Variants in KCTD1 observed in about 807,000 individuals in gnomAD.
KCTD1 encodes the protein BTB/POZ domain-containing protein KCTD1.
A neutral mutation model predicts 66.0 loss-of-function variants in KCTD1; 24 were observed. The ratio of observed to expected loss-of-function variants is 0.36; its 90% CI spans 0.26 to 0.51. The LOEUF is 0.51. Ranked by LOEUF, KCTD1 falls within the 20% of genes least tolerant of loss-of-function variation. The pLI is 0.95. For synonymous variants in KCTD1, 511 were observed against 517.2 expected (o/e 0.99, Z 0.16); for missense variants, 943 against 1,205.2 (o/e 0.78, Z 3.22).
chr18:26,490,745 A>G (rs760958083), intron 2 of KCTD1, among the ~76,000 whole-genome samples: 18 of 151,732 alleles, frequency 1.2e-4, no homozygotes, highest in Non-Finnish European at 2.5e-4. Context: ...AACCTAGGGC[A>G]TAGGTTTAGA....
rs1980059797 is a variant in KCTD1, at chr18:26,455,912, A to G, written c.2440-11T>C. The G allele has an allele frequency of 1.2e-6, 2 of 1,611,282 alleles. No individual in the cohort carries two copies. The highest frequency in any genetic ancestry group is 8.5e-7 in the Non-Finnish European group (1 of 1,177,962). On this transcript the variant is annotated splice_polypyrimidine_tract_variant and intron_variant, in intron 4 of 4. Transcript: ENST00000580059. Reference sequence around the variant, plus strand: ...CAACCTCTCGAGGACCTGCGAGGGAACAAGACAAGCATCCAGTTAGGGGTG... The same window carrying G: ...CAACCTCTCGAGGACCTGCGAGGGAGCAAGACAAGCATCCAGTTAGGGGTG...
chr18:26,550,178 C>G (rs1206220011), upstream of KCTD1, among the ~76,000 whole-genome samples: 3 of 152,188 alleles, frequency 2.0e-5, no homozygotes. The surrounding 1 kb of genome is among the most constrained non-coding windows in gnomAD (Gnocchi z 5.4). Context: ...TCGCCTGCTC[C>G]TCGGGTGCGT....
At chr18:26,469,061 C>G (rs1980907576) in intron 3 of KCTD1, among the ~76,000 whole-genome samples, 1 of 152,202 alleles carries the variant, frequency 6.6e-6, no homozygotes, top group South Asian at 2.1e-4. Context: ...TCTGCTGCCC[C>G]TCCCAGGTCC....
chr18:26,618,144 A>T (rs1183053542), intron 1 of KCTD1, among the ~76,000 whole-genome samples: 4 of 152,142 alleles, frequency 2.6e-5, no homozygotes, highest in Non-Finnish European at 5.9e-5. Context: ...TGTGACCTTA[A>T]GCAAGTCTTT....
chr18:26,459,756 T>A lies in KCTD1; in HGVS notation c.2303A>T (p.Asp768Val), dbSNP rs1598871529. The change falls in exon 4 of 5, where the codon GAC becomes GTC. Residue 768 changes from aspartate to valine, a missense_variant. Around this residue, in one of 10 missense-constraint regions of KCTD1, gnomAD observed 162 missense variants for 232.4 expected, o/e 0.70. Transcript: ENST00000580059. ...DLGERITLSG[D>V]KSLIEEVFPE... ...AAATACTTCTTCTATCAAGGATTTGTCACCGCTTAGCGTGATCCTTTCTCC... is the reference window on the plus strand; with the variant it reads ...AAATACTTCTTCTATCAAGGATTTGACACCGCTTAGCGTGATCCTTTCTCC... 1.2e-6 allele frequency: 2 copies of A among 1,614,208 alleles called. No individual in the cohort carries two copies. The highest frequency in any genetic ancestry group is 1.7e-6 in the Non-Finnish European group (2 of 1,180,036).
chr18:26,590,906 A>G (rs1568002665), intron 1 of KCTD1, among the ~76,000 whole-genome samples: 1 of 152,182 alleles, frequency 6.6e-6, no homozygotes, highest in Non-Finnish European at 1.5e-5. Context: ...TTCCATGCCT[A>G]ATAGTCCTGA....
chr18:26,622,241 G>C (rs755835483), intron 1 of KCTD1, among the ~76,000 whole-genome samples: 1 of 152,224 alleles, frequency 6.6e-6, no homozygotes, highest in African/African-American at 2.4e-5. Context: ...ACTCACGAGA[G>C]GAGCAGAAGA....
Position 26,610,688 on chromosome 18 carries a change from GAGAA to G in KCTD1, c.-16+18455_-16+18458del, listed in dbSNP as rs201062779. Among the ~76,000 whole-genome samples, 1,216 of 151,648 alleles carry G rather than the reference GAGAA, an allele frequency of 8.0e-3. 11 individuals carry two copies. Among genetic ancestry groups the G allele is most frequent in the African/African-American group, 0.027 (1,132 of 41,412 alleles). ...AAGAAAGAAAGAGAGAAAGAAAAGA[GAGAA>G]AGAGAAAGAAAGAAAGAGAAAGAAA... On this transcript the variant is annotated intron_variant, in intron 1 of 4. Transcript: ENST00000317932.
chr18:26,588,872 CCCTAATATAT>C (rs1986531194), intron 1 of KCTD1, among the ~76,000 whole-genome samples: 1 of 151,986 alleles, frequency 6.6e-6, no homozygotes, highest in Non-Finnish European at 1.5e-5. Flanking sequence ...GAATGCAAAG[CCCTAATATAT>C]ACAGTATAGA....
chr18:26,641,272 C>T (rs1009263756), upstream of KCTD1, among the ~76,000 whole-genome samples: 10 of 152,178 alleles, frequency 6.6e-5, no homozygotes, highest in African/African-American at 2.4e-4. Context: ...GCCTTTGCCT[C>T]CCTTGTAGCG....
chr18:26,587,659 A>T (rs562062754), intron 1 of KCTD1, among the ~76,000 whole-genome samples: 1 of 152,356 alleles, frequency 6.6e-6, no homozygotes, highest in Admixed American at 6.5e-5. Context: ...GGAGGTAAAA[A>T]TTATCAACAT....
At chr18:26,596,691 G>C (rs1986773426) in intron 1 of KCTD1, among the ~76,000 whole-genome samples, 1 of 152,170 alleles carries the variant, frequency 6.6e-6, no homozygotes, top group South Asian at 2.1e-4. Flanking sequence ...GAAAAATGGA[G>C]GTAATATTCA....
At chr18:26,499,651 G>A (rs775572998) in intron 2 of KCTD1, among the ~76,000 whole-genome samples, 4 of 152,010 alleles carry the variant, frequency 2.6e-5, no homozygotes, top group South Asian at 2.1e-4. Context: ...ACAAAAAGTC[G>A]GCCTTCATGT....
chr18:26,512,662 C>A (rs1483981905), intron 1 of KCTD1, among the ~76,000 whole-genome samples: 3 of 152,080 alleles, frequency 2.0e-5, no homozygotes, highest in Non-Finnish European at 4.4e-5. Flanking sequence ...CAGGGAATTC[C>A]TGATGACAAG....
chr18:26,541,591 A>G (rs563879987), intron 1 of KCTD1, among the ~76,000 whole-genome samples: 1 of 152,296 alleles, frequency 6.6e-6, no homozygotes, highest in East Asian at 1.9e-4. Context: ...TATAAGCTAA[A>G]AGGTAAGAAG....
upstream of KCTD1, among the ~76,000 whole-genome samples, chr18:26,630,415 A>C (rs1216320563): frequency 1.3e-5 from 2 of 152,156 alleles, no homozygotes; most frequent in African/African-American, 2.4e-5. Flanking sequence ...TCCTGGGCTC[A>C]AAAGGTCATC....
chr18:26,476,389 G>T lies in KCTD1; in HGVS notation c.2133+126C>A. The stretch of plus-strand genomic sequence containing the variant: ...CACTATTTCATGAATAGTGAACCAT[G>T]TCAAAGAGAACTCTGGCACCTTTCG... On this transcript the variant is annotated intron_variant, in intron 3 of 4. Coordinates refer to ENST00000580059, the MANE Select transcript of KCTD1 (RefSeq NM_001142730.3). This position sits in a 1 kb window ranked among gnomAD's most constrained non-coding sequence, Gnocchi z 4.9. The T allele has an allele frequency of 1.2e-6, 1 of 833,418 alleles. No individual in the cohort carries two copies. Among genetic ancestry groups the T allele is most frequent in the Non-Finnish European group, 1.8e-6 (1 of 556,770 alleles). The allele number at this position is 833,418 out of a possible 1,614,324, so 51.6% of individuals were successfully genotyped here. A position where few individuals can be genotyped will look rare whatever the true frequency, so the allele number is the denominator to read the frequency against.
At chr18:26,463,366 ATGTT>A (rs2144546551) in intron 3 of KCTD1, among the ~76,000 whole-genome samples, 1 of 151,976 alleles carries the variant, frequency 6.6e-6, no homozygotes, top group African/African-American at 2.4e-5. Flanking sequence ...GCAGTGAGCT[ATGTT>A]TGCATCACTG....
At chr18:26,616,974 A>G (rs1220230520) in intron 1 of KCTD1, among the ~76,000 whole-genome samples, 1 of 152,254 alleles carries the variant, frequency 6.6e-6, no homozygotes, top group Non-Finnish European at 1.5e-5. Flanking sequence ...TTTGTATTTC[A>G]GTAATGTGGA....
Sources: gnomAD v4.1 joint callset for allele counts (sites outside exome capture counted in the v4.1 genomes callset) on GRCh38, gnomAD v4.1.1 for gene constraint, gnomAD v4.1.1 regional missense constraint, Gnocchi (gnomAD v3.1) non-coding constraint, MANE v1.5 for transcripts, NCBI Gene and HGNC (gene_info 2026-07-23, HGNC 2026-07-21) for gene names.